The following ECSIT variants were observed in gnomAD, a reference collection of about 807,000 sequenced individuals.
The protein encoded by ECSIT is ECSIT signaling integrator, also known as evolutionarily conserved signaling intermediate in Toll pathway, mitochondrial.
ECSIT carries 29 observed loss-of-function variants against 36.8 expected under a neutral mutation model. The observed-to-expected ratio is 0.79, with a 90% CI of 0.59 to 1.08. The LOEUF (loss-of-function observed/expected upper bound fraction) is 1.08, where lower values mean the gene tolerates loss of function less well. Ranked by LOEUF, ECSIT falls within the 50% of genes least tolerant of loss-of-function variation. The pLI, the probability that ECSIT is intolerant of heterozygous loss-of-function variation, is 0.00. For synonymous variants in ECSIT, 231 were observed against 234.8 expected, an observed-to-expected ratio of 0.98 and a Z score of 0.15; for missense variants, 542 against 581.0, an observed-to-expected ratio of 0.93 and a Z score of 0.69.
rs1972057517 is a variant in ECSIT, at chr19:11,519,347, A to T, written c.-23-154T>A. Among the ~76,000 whole-genome samples, 1 of 152,048 alleles carries T rather than the reference A, an allele frequency of 6.6e-6. No homozygotes were observed. The highest frequency in any genetic ancestry group is 1.5e-5 in the Non-Finnish European group (1 of 68,000). On this transcript the variant is annotated intron_variant, in intron 1 of 7. Transcript: ENST00000270517. The surrounding 1 kb of genome is among the most constrained non-coding windows in gnomAD (Gnocchi z 4.4). Reference sequence around the variant, plus strand: ...CAAGAAACAGGCTGATGACTCAAAGACTTTGTTCTTGGGACAGCACCCTAA... The same window carrying T: ...CAAGAAACAGGCTGATGACTCAAAGTCTTTGTTCTTGGGACAGCACCCTAA...
chr19:11,506,401 C>T lies in ECSIT; in HGVS notation c.1079G>A (p.Cys360Tyr), dbSNP rs371383315. ...CGCCTGGTCATGAGCACCCGCCATGCACATGGCGAAGACAGGGCCTTCCTC... is the reference window on the plus strand; with the variant it reads ...CGCCTGGTCATGAGCACCCGCCATGTACATGGCGAAGACAGGGCCTTCCTC... ...EVEEGPVFAM[C>Y]MAGAHDQATM... Residue 360 changes from cysteine (C) to tyrosine (Y), a missense_variant, in exon 8 of 8, where the codon TGC becomes TAC. Cys to Tyr is a radical substitution (Grantham distance 194). Transcript: ENST00000270517. The T allele has an allele frequency of 6.6e-5, 106 of 1,613,164 alleles. No homozygotes were observed. The highest frequency in any genetic ancestry group is 8.8e-5 in the Non-Finnish European group (104 of 1,179,628).
At chr19:11,512,202 G>A (rs1236342697) in intron 4 of ECSIT, among the ~76,000 whole-genome samples, 5 of 151,924 alleles carry the variant, frequency 3.3e-5, no homozygotes, top group Non-Finnish European at 5.9e-5. Context: ...AAAATTAGCC[G>A]GGCGTGGTGG....
At chr19:11,526,771 G>A (rs1459779252) in intron 1 of ECSIT, among the ~76,000 whole-genome samples, 1 of 148,228 alleles carries the variant, frequency 6.7e-6, no homozygotes, top group African/African-American at 2.5e-5. Context: ...CCAGGCTGGA[G>A]TGCAATGGCG....
chr19:11,514,302 A>T, intron 2 of ECSIT, 81 bp from the exon 3 acceptor site: 3 of 1,371,400 alleles, frequency 2.2e-6, no homozygotes, highest in South Asian at 1.5e-5. Context: ...TTCCTCAGAG[A>T]GGTCCCAGTG....
chr19:11,512,927 A>G, intron 4 of ECSIT, 129 bp downstream of exon 4: 2 of 942,098 alleles, frequency 2.1e-6, no homozygotes, highest in East Asian at 5.1e-5. Context: ...TGGGCAACAG[A>G]GCAAGACCCT....
chr19:11,514,280 C>T, intron 2 of ECSIT, 59 bp from the exon 3 acceptor site: 2 of 1,476,962 alleles, frequency 1.4e-6, no homozygotes, highest in African/African-American at 1.4e-5. Context: ...GGGGGGCCGC[C>T]AGGCTGGCTC....
In ECSIT at chr19:11,507,783, C is replaced by G. The variant is rs745757677; in HGVS notation, c.864G>C (p.Glu288Asp). 3 of 1,614,126 alleles carry G rather than the reference C, an allele frequency of 1.9e-6. No homozygotes were observed. In the South Asian group the frequency reaches 3.3e-5, roughly 18 times the overall value. The change falls in exon 6 of 8, where the codon GAG (glutamate) becomes GAC (aspartate). Residue 288 changes from glutamate to aspartate, a missense_variant. By Grantham distance (45) the Glu-to-Asp change is conservative (BLOSUM62 2). Coordinates refer to ENST00000270517, the MANE Select transcript of ECSIT (RefSeq NM_016581.5). ...TGCGGAGCCACAGGGAGAAGGGGCCCTCAACAAAGACAGGCCGGGCTGGAT... is the reference window on the plus strand; with the variant it reads ...TGCGGAGCCACAGGGAGAAGGGGCCGTCAACAAAGACAGGCCGGGCTGGAT... ...RHNPARPVFV[E>D]GPFSLWLRNK...
chr19:11,509,509 T>C (rs1971827039), intron 4 of ECSIT, among the ~76,000 whole-genome samples: 1 of 151,754 alleles, frequency 6.6e-6, no homozygotes, highest in African/African-American at 2.4e-5. Flanking sequence ...GGCTCATGCC[T>C]GTAATCCCAG....
chr19:11,523,568 C>A lies in ECSIT; in HGVS notation c.-23-4375G>T. 14 of 1,045,264 alleles carry A rather than the reference C, an allele frequency of 1.3e-5. No individual in the cohort carries two copies. In the South Asian group the frequency reaches 1.4e-4, roughly 11 times the overall value. 64.7% of individuals were successfully genotyped at this position (1,045,264 alleles called of 1,614,324 possible). ...TGAAGCTGCCAAAGCCTTAGACAAG[C>A]GCCAAGCCCATCTTTGTGTGCTTGA... On this transcript the variant is annotated intron_variant, in intron 1 of 7. Transcript: ENST00000270517.
chr19:11,519,638 A>G lies in ECSIT; in HGVS notation c.-23-445T>C, dbSNP rs1052467842. Among the ~76,000 whole-genome samples the G allele has an allele frequency of 1.3e-5, 2 of 151,908 alleles. No homozygotes were observed. The highest frequency in any genetic ancestry group is 1.3e-4 in the Admixed American group (2 of 15,206). On this transcript the variant is annotated intron_variant, in intron 1 of 7. Transcript: ENST00000270517. This position sits in a 1 kb window ranked among gnomAD's most constrained non-coding sequence, Gnocchi z 4.4. ...TGAGCCAGCACTCCTAGCCACTACAATCTAATTTTACAAAATCTGTGTCAC... is the reference window on the plus strand; with the variant it reads ...TGAGCCAGCACTCCTAGCCACTACAGTCTAATTTTACAAAATCTGTGTCAC...
rs1971856578 is a variant in ECSIT at position 11,510,874 on chromosome 19, T to A, written c.738+2182A>T. On this transcript the variant is annotated intron_variant, in intron 4 of 7. Coordinates refer to ENST00000270517, the MANE Select transcript of ECSIT (RefSeq NM_016581.5). Reference sequence around the variant, plus strand: ...ATCCACACGGCTGCCAGGAGACACGTTTCCAATTGCAGATTCTTCCAGAAA... The same window carrying A: ...ATCCACACGGCTGCCAGGAGACACGATTCCAATTGCAGATTCTTCCAGAAA... Among the ~76,000 whole-genome samples the A allele has an allele frequency of 6.0e-5, 9 of 150,688 alleles. No individual in the cohort carries two copies. The Admixed American group carries it at 6.0e-4, about 10-fold the overall frequency.
rs1419639158 is a variant in ECSIT, at chr19:11,513,936, C to T, written c.382G>A (p.Val128Met). The T allele has an allele frequency of 5.0e-6, 8 of 1,614,116 alleles. No individual in the cohort carries two copies. Among genetic ancestry groups the T allele is most frequent in the Non-Finnish European group, 6.8e-6 (8 of 1,180,048 alleles). Residue 128 changes from valine (V) to methionine (M), a missense_variant, in exon 3 of 8, where the codon GTG (valine) becomes ATG (methionine). Transcript: ENST00000270517. ...REYGVERDLA[V>M]YNQLLNIFPK... is the part of the protein sequence containing the mutation. The stretch of plus-strand genomic sequence containing the variant: ...AAGATGTTGAGCAGCTGGTTGTACA[C>T]AGCCAGGTCCCGCTCGACACCATAC...
chr19:11,509,749 C>T (rs1195369256), intron 4 of ECSIT, among the ~76,000 whole-genome samples: 1 of 151,776 alleles, frequency 6.6e-6, no homozygotes, highest in African/African-American at 2.4e-5. Flanking sequence ...GCATGGGCGA[C>T]AGAGCAAGGC....
intron 2 of ECSIT, among the ~76,000 whole-genome samples, chr19:11,515,386 G>A (rs768184916): frequency 1.9e-4 from 29 of 152,154 alleles, no homozygotes; most frequent in Non-Finnish European, 3.7e-4. Context: ...ACAGGCATGA[G>A]CCACCGCGCC....
intron 4 of ECSIT, among the ~76,000 whole-genome samples, chr19:11,510,359 G>A (rs943897562): frequency 2.0e-5 from 3 of 151,072 alleles, no homozygotes; most frequent in Non-Finnish European, 4.4e-5. Context: ...TATTTTTTTG[G>A]TAGAGATGGG....
At chr19:11,516,508 C>T (rs1485654074) in intron 2 of ECSIT, among the ~76,000 whole-genome samples, 2 of 151,658 alleles carry the variant, frequency 1.3e-5, no homozygotes, top group African/African-American at 2.4e-5. Flanking sequence ...AAAAAATAAG[C>T]GGGGCGTGGT....
rs1555740427 is a variant in ECSIT at position 11,519,324 on chromosome 19, A to G, written c.-23-131T>C. The G allele has an allele frequency of 3.1e-5, 22 of 699,370 alleles. No homozygotes were observed. The highest frequency in any genetic ancestry group is 5.4e-5 in the Non-Finnish European group (21 of 390,720). 43.3% of individuals were successfully genotyped at this position (699,370 alleles called of 1,614,324 possible). On this transcript the variant is annotated intron_variant, in intron 1 of 7. Transcript: ENST00000270517. The surrounding 1 kb of genome is among the most constrained non-coding windows in gnomAD (Gnocchi z 4.4). ...CCAGCCCCAATGTTTACCTTACCCA[A>G]GAAACAGGCTGATGACTCAAAGACT...
At chr19:11,513,430 A>T in intron 3 of ECSIT, 151 bp from the exon 4 acceptor site, 1 of 803,136 alleles carries the variant, frequency 1.2e-6, no homozygotes, top group South Asian at 1.5e-5. Context: ...CATGCCTGTA[A>T]TCCCAGCACA....
At chr19:11,518,227 G>C (rs1972035383) in intron 2 of ECSIT, among the ~76,000 whole-genome samples, 1 of 151,872 alleles carries the variant, frequency 6.6e-6, no homozygotes, top group Non-Finnish European at 1.5e-5. Context: ...AGGAGTTTGA[G>C]ACCAGCCTCG....
Sources: allele counts gnomAD v4.1 joint callset (sites outside exome capture counted in the v4.1 genomes callset), GRCh38; gene constraint gnomAD v4.1.1; non-coding constraint Gnocchi (gnomAD v3.1); transcripts MANE v1.5; gene names NCBI Gene and HGNC (gene_info 2026-07-23, HGNC 2026-07-21).